The following OR8G1 variants were observed in gnomAD, a reference collection of about 807,000 sequenced individuals.
OR8G1 encodes the protein olfactory receptor 8G1.
For missense variants in OR8G1, 372 were observed against 356.2 expected (o/e 1.04, Z -0.36); for synonymous variants, 129 against 133.3 (o/e 0.97, Z 0.22).
Position 124,250,567 on chromosome 11 carries a change from C to T in OR8G1, c.892C>T (p.His298Tyr). 2 of 442,986 alleles carry T rather than the reference C, an allele frequency of 4.5e-6. No homozygotes were observed. The highest frequency in any genetic ancestry group is 5.9e-6 in the Non-Finnish European group (2 of 339,618). 27.4% of individuals were successfully genotyped at this position (442,986 alleles called of 1,614,324 possible). A position where few individuals can be genotyped will look rare whatever the true frequency, so the allele number is the denominator to read the frequency against. ...TTATAGCCTGAGGAATAAAGATGTCCATGTTTCCCTGAAGAAAATGCTACA... is the reference window on the plus strand; with the variant it reads ...TTATAGCCTGAGGAATAAAGATGTCTATGTTTCCCTGAAGAAAATGCTACA... Reference protein sequence around the residue: ...LIYSLRNKDVHVSLKKMLQRR... With the variant: ...LIYSLRNKDVYVSLKKMLQRR... The change falls in exon 3 of 3, where the codon CAT (histidine) becomes TAT (tyrosine). Residue 298 changes from histidine (H) to tyrosine (Y), a missense_variant. Physicochemically the swap from His to Tyr is moderately conservative, Grantham distance 83. Transcript: ENST00000641972.
chr11:124,245,465 C>G (rs1408570995), intron 1 of OR8G1, among the ~76,000 whole-genome samples: 2 of 144,658 alleles, frequency 1.4e-5, no homozygotes, highest in Non-Finnish European at 3.0e-5. Context: ...AATAGTGCCG[C>G]AATAAACATA....
chr11:124,249,970 A>G lies in OR8G1; in HGVS notation c.295A>G (p.Thr99Ala), dbSNP rs1404986712. 6 of 1,613,810 alleles carry G rather than the reference A, an allele frequency of 3.7e-6. No individual in the cohort carries two copies. The highest frequency in any genetic ancestry group is 1.6e-4 in the Middle Eastern group (1 of 6,062). Residue 99 changes from threonine to alanine, a missense_variant, in exon 3 of 3, where the codon ACT becomes GCT. Coordinates refer to ENST00000641972, the MANE Select transcript of OR8G1 (RefSeq NM_001002905.2). ...CATCATCTCCTACCCTGAATGCATGACTCAGCTCTACTTCTTCCTCGTTTT... is the reference window on the plus strand; with the variant it reads ...CATCATCTCCTACCCTGAATGCATGGCTCAGCTCTACTTCTTCCTCGTTTT... ...KNIISYPECM[T>A]QLYFFLVFAI...
chr11:124,244,105 GGAGAGAGGGAGA>G (rs1861788428), intron 1 of OR8G1, among the ~76,000 whole-genome samples: 1 of 148,148 alleles, frequency 6.8e-6, no homozygotes, highest in Non-Finnish European at 1.5e-5. Context: ...AGGAAAGGAT[GGAGAGAGGGAGA>G]GAGAGATGGA....
intron 1 of OR8G1, among the ~76,000 whole-genome samples, chr11:124,243,496 T>C (rs1403269749): frequency 1.3e-5 from 2 of 152,036 alleles, no homozygotes; most frequent in African/African-American, 4.8e-5. Flanking sequence ...ATTGAAATAA[T>C]TGACACATCA....
chr11:124,244,072 G>GA (rs1861787937), intron 1 of OR8G1, among the ~76,000 whole-genome samples: 1 of 147,760 alleles, frequency 6.8e-6, no homozygotes, highest in African/African-American at 2.5e-5. Context: ...GATGGAGAGG[G>GA]AGAGAGAGAT....
Position 124,250,627 on chromosome 11 carries a change from A to T in OR8G1, c.*16A>T. On this transcript the variant is annotated 3_prime_UTR_variant, in exon 3 of 3. Coordinates refer to ENST00000641972, the MANE Select transcript of OR8G1 (RefSeq NM_001002905.2). ...ATTATTGTAAACAGTAATAATAAGAAGATGATATATTAATCCTAAGTAGTG... is the reference window on the plus strand; with the variant it reads ...ATTATTGTAAACAGTAATAATAAGATGATGATATATTAATCCTAAGTAGTG... 1.6e-6 allele frequency: 1 copy of T among 608,000 alleles called. No individual in the cohort carries two copies. The highest frequency in any genetic ancestry group is 2.5e-6 in the Non-Finnish European group (1 of 402,522). The allele number at this position is 608,000 out of a possible 1,614,324, so 37.7% of individuals were successfully genotyped here. A position where few individuals can be genotyped will look rare whatever the true frequency, so the allele number is the denominator to read the frequency against.
At chr11:124,242,344 A>C (rs12360768) in intron 1 of OR8G1, among the ~76,000 whole-genome samples, 77,586 of 151,754 alleles carry the variant, frequency 0.51, 20,464 homozygotes, top group South Asian at 0.7. Flanking sequence ...TTGGAAAACG[A>C]TGGACTCCAG....
chr11:124,245,022 T>C (rs573258165), intron 1 of OR8G1, among the ~76,000 whole-genome samples: 4 of 151,988 alleles, frequency 2.6e-5, no homozygotes, highest in African/African-American at 9.7e-5. Context: ...TTTTAAATTA[T>C]TAGTATTATA....
At chr11:124,242,088 T>TA (rs1261241451) in intron 1 of OR8G1, among the ~76,000 whole-genome samples, 2 of 139,462 alleles carry the variant, frequency 1.4e-5, no homozygotes, top group Non-Finnish European at 3.1e-5. Context: ...TTTATATATT[T>TA]TTATTATTAT....
rs1392984695 is a variant in OR8G1, at chr11:124,250,641, T to A, written c.*30T>A. On this transcript the variant is annotated 3_prime_UTR_variant, in exon 3 of 3. Coordinates refer to ENST00000641972, the MANE Select transcript of OR8G1 (RefSeq NM_001002905.2). ...TAATAATAAGAAGATGATATATTAA[T>A]CCTAAGTAGTGGACTGTTACATTGT... 3.7e-5 allele frequency: 12 copies of A among 324,894 alleles called. 1 individual carries two copies. The highest frequency in any genetic ancestry group is 7.1e-5 in the African/African-American group (1 of 14,172). The allele number at this position is 324,894 out of a possible 1,614,324, so 20.1% of individuals were successfully genotyped here. A position where few individuals can be genotyped will look rare whatever the true frequency, so the allele number is the denominator to read the frequency against.
At chr11:124,245,656 C>T (rs1861804208) in intron 1 of OR8G1, among the ~76,000 whole-genome samples, 1 of 142,544 alleles carries the variant, frequency 7.0e-6, no homozygotes, top group East Asian at 2.0e-4. Flanking sequence ...CCTATTTCTC[C>T]ACATCCTCTC....
rs2137752596 is a variant in OR8G1, at chr11:124,252,714, A to C, written c.*2103A>C. ...TCAGCAGACTTGAGGCACATTTATT[A>C]GCTGTGTGCAAGCTGAGAGTTAACT... is the stretch of plus-strand genomic sequence containing the variant. On this transcript the variant is annotated 3_prime_UTR_variant, in exon 3 of 3. Coordinates refer to ENST00000641972, the MANE Select transcript of OR8G1 (RefSeq NM_001002905.2). 1 of 152,296 alleles carries C rather than the reference A, an allele frequency of 6.6e-6. No individual in the cohort carries two copies. The highest frequency in any genetic ancestry group is 2.4e-5 in the African/African-American group (1 of 41,578). The allele number at this position is 152,296 out of a possible 1,614,324, so 9.4% of individuals were successfully genotyped here. A position where few individuals can be genotyped will look rare whatever the true frequency, so the allele number is the denominator to read the frequency against.
At chr11:124,247,401 A>G (rs1185790128) in intron 1 of OR8G1, among the ~76,000 whole-genome samples, 1 of 151,912 alleles carries the variant, frequency 6.6e-6, no homozygotes, top group Admixed American at 6.6e-5. Context: ...AGAATACAAT[A>G]TATTTGATCA....
At chr11:124,247,538 G>A (rs1277099656) in intron 1 of OR8G1, among the ~76,000 whole-genome samples, 2 of 151,890 alleles carry the variant, frequency 1.3e-5, no homozygotes, top group Non-Finnish European at 1.5e-5. Flanking sequence ...AGAGAAAACC[G>A]TAAGTCTAGA....
rs1233006030 is a variant in OR8G1, at chr11:124,250,541, T to G, written c.866T>G (p.Ile289Ser). ...TIIVPMLNPL[I>S]YSLRNKDVHV... ...ATTGTGCCCATGTTGAACCCTCTGATTTATAGCCTGAGGAATAAAGATGTC... is the reference window on the plus strand; with the variant it reads ...ATTGTGCCCATGTTGAACCCTCTGAGTTATAGCCTGAGGAATAAAGATGTC... The change falls in exon 3 of 3, where the codon ATT becomes AGT. Residue 289 changes from isoleucine to serine, a missense_variant. By Grantham distance (142) the Ile-to-Ser change is moderately radical. Coordinates refer to ENST00000641972, the MANE Select transcript of OR8G1 (RefSeq NM_001002905.2). 1.4e-4 allele frequency: 68 copies of G among 494,510 alleles called. 10 individuals are homozygous for G. The highest frequency in any genetic ancestry group is 1.0e-3 in the South Asian group (12 of 11,636). 30.6% of individuals were successfully genotyped at this position (494,510 alleles called of 1,614,324 possible). A position where few individuals can be genotyped will look rare whatever the true frequency, so the allele number is the denominator to read the frequency against.
chr11:124,249,542 A>T (rs1028392540), intron 2 of OR8G1, 118 bp from the exon 3 acceptor site: 4 of 832,078 alleles, frequency 4.8e-6, no homozygotes, highest in Non-Finnish European at 7.0e-6. Flanking sequence ...GGTAAACTTT[A>T]CTTACTCAAA....
At chr11:124,242,600 C>T (rs376249381) in intron 1 of OR8G1, among the ~76,000 whole-genome samples, 1 of 151,938 alleles carries the variant, frequency 6.6e-6, no homozygotes, top group East Asian at 1.9e-4. Context: ...AGCTATGTTA[C>T]AGATCTTACA....
rs1861863105 is a variant in OR8G1, at chr11:124,250,647, G to C, written c.*36G>C. ...TAAGAAGATGATATATTAATCCTAA[G>C]TAGTGGACTGTTACATTGTATGAAT... On this transcript the variant is annotated 3_prime_UTR_variant, in exon 3 of 3. Transcript: ENST00000641972. 1 of 501,634 alleles carries C rather than the reference G, an allele frequency of 2.0e-6. No individual in the cohort carries two copies. The highest frequency in any genetic ancestry group is 3.2e-6 in the Non-Finnish European group (1 of 316,054). The allele number at this position is 501,634 out of a possible 1,614,324, so 31.1% of individuals were successfully genotyped here.
Position 124,250,135 on chromosome 11 carries a change from G to A in OR8G1, c.460G>A (p.Val154Ile), listed in dbSNP as rs1305445027. Residue 154 changes from valine (V) to isoleucine (I), a missense_variant, in exon 3 of 3, where the codon GTT (valine) becomes ATT (isoleucine). Transcript: ENST00000641972. ...TTTAGGGGTGTATATAATAGGCCTG[G>A]TTTGTGCATCAGTTCATACAGGCTG... is the stretch of plus-strand genomic sequence containing the variant. ...LILGVYIIGLVCASVHTGCMF... is the reference protein window; with the variant it reads ...LILGVYIIGLICASVHTGCMF... The A allele has an allele frequency of 3.1e-6, 5 of 1,613,748 alleles. No individual in the cohort carries two copies. Among genetic ancestry groups the A allele is most frequent in the East Asian group, 2.2e-5 (1 of 44,872 alleles).
Sources: gnomAD v4.1 joint callset for allele counts (sites outside exome capture counted in the v4.1 genomes callset) on GRCh38, gnomAD v4.1.1 for gene constraint, MANE v1.5 for transcripts, NCBI Gene and HGNC (gene_info 2026-07-23, HGNC 2026-07-21) for gene names.